The following COBL variants were observed in gnomAD, a reference collection of about 807,000 sequenced individuals.
COBL encodes the protein cordon-bleu WH2 repeat protein.
In COBL, 51 loss-of-function variants were observed where a neutral mutation model predicts 98.8. The ratio of observed to expected loss-of-function variants is 0.52; its 90% CI spans 0.41 to 0.65. The LOEUF is 0.65. COBL is among the 30% of genes least tolerant of loss of function. The probability of loss-of-function intolerance (pLI) is 0.00; values close to 1 mark genes in which losing one functional copy is unlikely to be tolerated. For synonymous variants in COBL, 634 were observed against 651.7 expected, an observed-to-expected ratio of 0.97 and a Z score of 0.41; for missense variants, 1,617 against 1,617.5, an observed-to-expected ratio of 1.00 and a Z score of 0.01.
intron 1 of COBL, among the ~76,000 whole-genome samples, chr7:51,282,506 C>T (rs1799898734): frequency 6.6e-6 from 1 of 151,970 alleles, no homozygotes; most frequent in Non-Finnish European, 1.5e-5. Flanking sequence ...AGAGTCAATT[C>T]AACAAGAAGA....
chr7:51,124,659 TG>T (rs1798040898), intron 6 of COBL, among the ~76,000 whole-genome samples: 1 of 152,194 alleles, frequency 6.6e-6, no homozygotes, highest in Non-Finnish European at 1.5e-5. Context: ...CTCTGTATTT[TG>T]GGGACATAAA....
chr7:51,200,190 G>A (rs545240802), intron 2 of COBL, among the ~76,000 whole-genome samples: 3 of 152,284 alleles, frequency 2.0e-5, no homozygotes, highest in Middle Eastern at 3.4e-3. Context: ...AAGGATGAAG[G>A]AGAGATAAGT....
At chr7:51,055,321 C>A (rs879435031) in intron 7 of COBL, among the ~76,000 whole-genome samples, 2 of 152,128 alleles carry the variant, frequency 1.3e-5, no homozygotes, top group Non-Finnish European at 2.9e-5. Flanking sequence ...TCAAGGGCTG[C>A]GGGAAACTCA....
At position 51,168,696 on chromosome 7, in the gene COBL, G is replaced by A. The variant is rs1172775504; in HGVS notation, c.783+15406C>T. On this transcript the variant is annotated intron_variant, in intron 5 of 12. Transcript: ENST00000265136. ...AATGTAAATTGGCATAACTATTATG[G>A]AGAACTGTTTGGTGGTTCCTCAAAA... is the stretch of plus-strand genomic sequence containing the variant. 9.2e-5 allele frequency among the ~76,000 whole-genome samples: 14 copies of A among 152,164 alleles called. No individual in the cohort carries two copies. In the South Asian group the frequency reaches 2.7e-3, roughly 29 times the overall value.
At chr7:51,167,256 G>C (rs752244183) in intron 5 of COBL, among the ~76,000 whole-genome samples, 1 of 152,052 alleles carries the variant, frequency 6.6e-6, no homozygotes, top group Non-Finnish European at 1.5e-5. Flanking sequence ...AATGTTGCAG[G>C]ATACAAAATC....
At chr7:51,292,136 G>A (rs1363609088) in intron 1 of COBL, among the ~76,000 whole-genome samples, 6 of 144,982 alleles carry the variant, frequency 4.1e-5, no homozygotes, top group African/African-American at 1.5e-4. Flanking sequence ...AACAGAATGA[G>A]ACTTTGACTC....
intron 1 of COBL, among the ~76,000 whole-genome samples, chr7:51,252,489 T>C (rs1246688514): frequency 6.6e-6 from 1 of 152,210 alleles, no homozygotes. Context: ...ACAATACGCA[T>C]GCTCTGTGAC....
intron 12 of COBL, 113 bp from the exon 13 acceptor site, chr7:51,017,681 C>A (rs529731730): frequency 1.7e-5 from 19 of 1,122,118 alleles, no homozygotes; most frequent in Non-Finnish European, 2.2e-5. Context: ...ACTCCTGGAA[C>A]CCCCTTCCCA....
chr7:51,182,387 T>A (rs1303830030), intron 5 of COBL, among the ~76,000 whole-genome samples: 1 of 152,066 alleles, frequency 6.6e-6, no homozygotes, highest in Non-Finnish European at 1.5e-5. Context: ...ATTCAAGCGA[T>A]TCTCCTGCCT....
At chr7:51,229,628 A>G (rs955701874) in intron 1 of COBL, among the ~76,000 whole-genome samples, 1 of 152,192 alleles carries the variant, frequency 6.6e-6, no homozygotes, top group Admixed American at 6.5e-5. Flanking sequence ...GTATAAAGCA[A>G]TTCTTGCCAC....
chr7:51,287,798 T>C (rs1179043087), intron 1 of COBL, among the ~76,000 whole-genome samples: 1 of 151,792 alleles, frequency 6.6e-6, no homozygotes, highest in African/African-American at 2.4e-5. Context: ...AAGATGACTC[T>C]GCATAATAAC....
intron 5 of COBL, among the ~76,000 whole-genome samples, chr7:51,155,880 A>C (rs1786077934): frequency 6.6e-6 from 1 of 152,148 alleles, no homozygotes; most frequent in Admixed American, 6.5e-5. Context: ...GGGAGCCTGC[A>C]TCATCAGTAA....
chr7:51,259,685 T>C (rs1563098179), intron 1 of COBL: 2 of 738,436 alleles, frequency 2.7e-6, no homozygotes, highest in East Asian at 2.5e-5. Flanking sequence ...GATGGTCTTA[T>C]TCTTGACCTT....
Position 51,316,730 on chromosome 7 carries a change from G to T in COBL, c.-97C>A, listed in dbSNP as rs1803651709. ...TGCCGCCCTCATTCACTTTTTCCGC[G>T]CTGACCCATCGTCCTCCCACGCGGG... On this transcript the variant is annotated 5_prime_UTR_variant, in exon 1 of 13. Transcript: ENST00000265136. The T allele has an allele frequency of 4.0e-6, 4 of 991,218 alleles. No individual in the cohort carries two copies. In the South Asian group the frequency reaches 2.0e-4, roughly 49 times the overall value. 61.4% of individuals were successfully genotyped at this position (991,218 alleles called of 1,614,324 possible). A position where few individuals can be genotyped will look rare whatever the true frequency, so the allele number is the denominator to read the frequency against.
intron 1 of COBL, among the ~76,000 whole-genome samples, chr7:51,298,890 C>T (rs1801655385): frequency 6.6e-6 from 1 of 152,218 alleles, no homozygotes; most frequent in Non-Finnish European, 1.5e-5. Flanking sequence ...ATCCACTTGT[C>T]CGAGCACATA....
At position 51,172,589 on chromosome 7, in the gene COBL, G is replaced by A. The variant is rs1029950240; in HGVS notation, c.783+11513C>T. 3 of 1,222,312 alleles carry A rather than the reference G, an allele frequency of 2.5e-6. No homozygotes were observed. The African/African-American group carries it at 4.7e-5, about 19-fold the overall frequency. The allele number at this position is 1,222,312 out of a possible 1,614,324, so 75.7% of individuals were successfully genotyped here. On this transcript the variant is annotated intron_variant, in intron 5 of 12. Coordinates refer to ENST00000265136, the MANE Select transcript of COBL (RefSeq NM_015198.5). ...GGTGAAAGTTCAGACAGAAAACATAGTCCTTAGCGATCATTAAGGCAAAAA... is the reference window on the plus strand; with the variant it reads ...GGTGAAAGTTCAGACAGAAAACATAATCCTTAGCGATCATTAAGGCAAAAA...
chr7:51,233,590 T>C lies in COBL; in HGVS notation c.42-13646A>G, dbSNP rs1364951662. On this transcript the variant is annotated intron_variant, in intron 1 of 12. Transcript: ENST00000265136. ...GCCGCCTGCTGATAAGCCCCGTCCA[T>C]TTCTATGTACTTTTGTCAATAACTG... 2.0e-5 allele frequency among the ~76,000 whole-genome samples: 3 copies of C among 152,182 alleles called. No individual in the cohort carries two copies. The South Asian group carries it at 6.2e-4, about 32-fold the overall frequency.
intron 2 of COBL, among the ~76,000 whole-genome samples, chr7:51,206,393 G>C (rs1215555711): frequency 1.3e-5 from 2 of 151,580 alleles, no homozygotes; most frequent in Non-Finnish European, 2.9e-5. Flanking sequence ...TCGGAAGGCT[G>C]AGGCAGGAGA....
chr7:51,029,596 A>G lies in COBL; in HGVS notation c.1505-5T>C. The G allele has an allele frequency of 1.3e-6, 2 of 1,579,174 alleles. No individual in the cohort carries two copies. Among genetic ancestry groups the G allele is most frequent in the Non-Finnish European group, 1.7e-6 (2 of 1,157,542 alleles). ...TTTCATAGCTGTCTTCCATTTCTGC[A>G]AAGAGGGACAAACACAAATCACAGA... On this transcript the variant is annotated splice_polypyrimidine_tract_variant and splice_region_variant and intron_variant, in intron 9 of 12. Coordinates refer to ENST00000265136, the MANE Select transcript of COBL (RefSeq NM_015198.5).
Sources: allele counts gnomAD v4.1 joint callset (sites outside exome capture counted in the v4.1 genomes callset), GRCh38; gene constraint gnomAD v4.1.1; transcripts MANE v1.5; gene names NCBI Gene and HGNC (gene_info 2026-07-23, HGNC 2026-07-21).